HMG20A: variants seen among roughly 807,000 people sequenced by gnomAD.
The protein encoded by HMG20A is high mobility group 20A.
A neutral mutation model predicts 43.9 loss-of-function variants in HMG20A; 17 were observed. That is an observed-to-expected ratio of 0.39 (90% CI 0.27 to 0.58). The LOEUF (loss-of-function observed/expected upper bound fraction) is 0.58. Among genes scored for constraint, HMG20A ranks in the 20% least tolerant of loss-of-function variants. The pLI is 0.59. For missense variants in HMG20A, 341 were observed against 438.2 expected, an observed-to-expected ratio of 0.78 and a Z score of 1.98; for synonymous variants, 132 against 147.5, an observed-to-expected ratio of 0.89 and a Z score of 0.76.
At chr15:77,434,877 T>C (rs2073529684) in intron 1 of HMG20A, among the ~76,000 whole-genome samples, 1 of 152,192 alleles carries the variant, frequency 6.6e-6, no homozygotes. Flanking sequence ...CAGCTGTTCC[T>C]AGGTATACAC....
At chr15:77,519,343 T>C in the HMG20A span, among the ~76,000 whole-genome samples, 1 of 152,228 alleles carries the variant, frequency 6.6e-6, no homozygotes, top group Non-Finnish European at 1.5e-5. Context: ...AGTGTGCGCC[T>C]ACTGCAAACG....
chr15:77,463,703 C>T (rs184551282), intron 2 of HMG20A, among the ~76,000 whole-genome samples: 1 of 152,298 alleles, frequency 6.6e-6, no homozygotes, highest in East Asian at 1.9e-4. Flanking sequence ...CCTGAACTTA[C>T]TTAACTTGAT....
chr15:77,420,931 G>A lies in HMG20A; in HGVS notation c.-78G>A. 1 of 398,726 alleles carries A rather than the reference G, an allele frequency of 2.5e-6. No individual in the cohort carries two copies. Among genetic ancestry groups the A allele is most frequent in the East Asian group, 3.6e-5 (1 of 28,084 alleles). The allele number at this position is 398,726 out of a possible 1,614,324, so 24.7% of individuals were successfully genotyped here. A position where few individuals can be genotyped will look rare whatever the true frequency, so the allele number is the denominator to read the frequency against. ...GCGTGAAGTGAAGGCGATTGAGAGGGGCTGAGGGAATTGTCCTCTGTGGAA... is the reference window on the plus strand; with the variant it reads ...GCGTGAAGTGAAGGCGATTGAGAGGAGCTGAGGGAATTGTCCTCTGTGGAA... On this transcript the variant is annotated 5_prime_UTR_variant, in exon 1 of 10. Transcript: ENST00000336216.
At chr15:77,445,829 A>G (rs146982516) in intron 1 of HMG20A, among the ~76,000 whole-genome samples, 2 of 152,210 alleles carry the variant, frequency 1.3e-5, no homozygotes, top group African/African-American at 2.4e-5. Context: ...CCTGGGTGGG[A>G]TGGAGCAGGA....
rs574194923 is a variant in HMG20A, at chr15:77,444,219, G to C, written c.-4-14185G>C. Reference sequence around the variant, plus strand: ...TACATATAAGGGTATTGAAGCAGATGCTCATATAACGCCTCTACTTGGTAC... The same window carrying C: ...TACATATAAGGGTATTGAAGCAGATCCTCATATAACGCCTCTACTTGGTAC... On this transcript the variant is annotated intron_variant, in intron 1 of 9. Coordinates refer to ENST00000336216, the MANE Select transcript of HMG20A (RefSeq NM_001304504.2). Among the ~76,000 whole-genome samples, 40 of 152,306 alleles carry C rather than the reference G, an allele frequency of 2.6e-4. 1 individual carries two copies. The South Asian group carries it at 5.4e-3, about 21-fold the overall frequency.
downstream of HMG20A, among the ~76,000 whole-genome samples, chr15:77,489,434 G>C (rs2072961717): frequency 6.6e-6 from 1 of 152,212 alleles, no homozygotes; most frequent in Admixed American, 6.5e-5. Context: ...GATAACTAAT[G>C]AGAGTGGCAT....
the HMG20A span, among the ~76,000 whole-genome samples, chr15:77,518,003 A>C: frequency 1.0e-5 from 1 of 95,344 alleles, no homozygotes; most frequent in Admixed American, 1.0e-4. Flanking sequence ...TGTCATTAGC[A>C]GATGTTAAAA....
At chr15:77,478,071 A>G in intron 7 of HMG20A, 3 of 574,488 alleles carry the variant, frequency 5.2e-6, no homozygotes, top group South Asian at 4.2e-5. Context: ...GTTTGTTGCA[A>G]TCTTATGTAT....
rs2142248293 is a variant in HMG20A at position 77,421,069 on chromosome 15, C to T, written c.-5+65C>T. The stretch of plus-strand genomic sequence containing the variant: ...GATGCCCTTCACCCCTTGAAGATCA[C>T]CCCTCTTTTGGTGGTGGTGGTACTG... On this transcript the variant is annotated intron_variant, in intron 1 of 9. Transcript: ENST00000336216. The T allele has an allele frequency of 1.0e-5, 4 of 397,338 alleles. No homozygotes were observed. The Admixed American group carries it at 1.8e-4, about 17-fold the overall frequency. 24.6% of individuals were successfully genotyped at this position (397,338 alleles called of 1,614,324 possible).
At chr15:77,491,705 A>C in the HMG20A span, among the ~76,000 whole-genome samples, 1 of 152,218 alleles carries the variant, frequency 6.6e-6, no homozygotes, top group Non-Finnish European at 1.5e-5. Flanking sequence ...GGGGGAAGGC[A>C]AAAGAGCTTT....
intron 1 of HMG20A, among the ~76,000 whole-genome samples, chr15:77,443,379 G>GATGATTATTATTATTGTT (rs576920554): frequency 2.3e-5 from 3 of 131,332 alleles, no homozygotes; most frequent in Non-Finnish European, 4.8e-5. Flanking sequence ...TGATGATGAT[G>GATGATTATTATTATTGTT]ATTATTATTA....
chr15:77,464,612 TACCTC>T (rs964481331), intron 3 of HMG20A: 1 of 379,986 alleles, frequency 2.6e-6, no homozygotes, highest in African/African-American at 2.1e-5. Flanking sequence ...AATGTATACT[TACCTC>T]ATATTAGATG....
intron 7 of HMG20A, 87 bp downstream of exon 7, chr15:77,477,717 G>A (rs976734514): frequency 5.8e-6 from 5 of 869,058 alleles, no homozygotes; most frequent in Admixed American, 2.1e-5. Flanking sequence ...AAAAGCAATG[G>A]TAGTGTTATC....
At chr15:77,454,171 A>C (rs924771407) in intron 1 of HMG20A, among the ~76,000 whole-genome samples, 1 of 151,640 alleles carries the variant, frequency 6.6e-6, no homozygotes, top group African/African-American at 2.4e-5. Flanking sequence ...CTTAAAAAAA[A>C]AAAAAAAAAC....
intron 1 of HMG20A, among the ~76,000 whole-genome samples, chr15:77,436,045 C>G (rs1424374778): frequency 6.6e-6 from 1 of 152,204 alleles, no homozygotes; most frequent in African/African-American, 2.4e-5. Context: ...AAACTCCTGT[C>G]TCCATCTCAG....
chr15:77,438,105 T>C (rs2073569256), intron 1 of HMG20A, among the ~76,000 whole-genome samples: 1 of 151,126 alleles, frequency 6.6e-6, no homozygotes, highest in Non-Finnish European at 1.5e-5. Flanking sequence ...TGCAAGCTCA[T>C]ACCACCACAC....
chr15:77,455,619 C>T (rs187659985), intron 1 of HMG20A, among the ~76,000 whole-genome samples: 41 of 152,228 alleles, frequency 2.7e-4, no homozygotes, highest in African/African-American at 9.1e-4. Context: ...GTATAAAGTG[C>T]AGTGAAGAGC....
chr15:77,437,878 G>A (rs1223732475), intron 1 of HMG20A, among the ~76,000 whole-genome samples: 2 of 151,954 alleles, frequency 1.3e-5, no homozygotes, highest in African/African-American at 2.4e-5. Flanking sequence ...GCAGCCCTAA[G>A]TTGAAACTCT....
At chr15:77,457,167 T>C (rs1165077368) in intron 1 of HMG20A, among the ~76,000 whole-genome samples, 1 of 152,234 alleles carries the variant, frequency 6.6e-6, no homozygotes, top group East Asian at 1.9e-4. Context: ...GTGTTATCTT[T>C]TGGAAATAAA....
Sources: allele counts gnomAD v4.1 joint callset (sites outside exome capture counted in the v4.1 genomes callset), GRCh38; gene constraint gnomAD v4.1.1; transcripts MANE v1.5; gene names NCBI Gene and HGNC (gene_info 2026-07-23, HGNC 2026-07-21).